The following GOT1 variants were observed in gnomAD, a reference collection of about 807,000 sequenced individuals.
GOT1 encodes glutamic-oxaloacetic transaminase 1.
GOT1 carries 25 observed loss-of-function variants against 48.2 expected under a neutral mutation model. The observed-to-expected ratio is 0.52, with a 90% CI of 0.38 to 0.72. The LOEUF (loss-of-function observed/expected upper bound fraction) is 0.72. GOT1 is among the 30% of genes least tolerant of loss of function. The probability of loss-of-function intolerance (pLI) is 0.00; values close to 1 mark genes in which losing one functional copy is unlikely to be tolerated. For missense variants in GOT1, 380 were observed against 520.1 expected (o/e 0.73, Z 2.62); for synonymous variants, 188 against 193.8 (o/e 0.97, Z 0.25).
intron 1 of GOT1, among the ~76,000 whole-genome samples, chr10:99,423,831 T>C (rs993621746): frequency 6.6e-6 from 1 of 151,720 alleles, no homozygotes; most frequent in Non-Finnish European, 1.5e-5. Flanking sequence ...TTTTTTTAAA[T>C]TTTTCATAGA....
At chr10:99,426,069 C>G (rs1057248366) in intron 1 of GOT1, among the ~76,000 whole-genome samples, 1 of 152,216 alleles carries the variant, frequency 6.6e-6, no homozygotes, top group Middle Eastern at 3.4e-3. Flanking sequence ...ACCATTTGCC[C>G]AGGATCACAG....
chr10:99,400,946 GA>G (rs200341704), intron 8 of GOT1, among the ~76,000 whole-genome samples: 3 of 150,538 alleles, frequency 2.0e-5, no homozygotes, highest in South Asian at 2.1e-4. Context: ...GTCTCAAAAA[GA>G]AAAAAAAAGT....
At chr10:99,407,067 T>G (rs2032769119) in intron 2 of GOT1, among the ~76,000 whole-genome samples, 1 of 152,202 alleles carries the variant, frequency 6.6e-6, no homozygotes, top group African/African-American at 2.4e-5. Flanking sequence ...GTGAAGAACC[T>G]TGCTCAAAGT....
At chr10:99,415,175 C>G (rs1269567127) in intron 2 of GOT1, among the ~76,000 whole-genome samples, 2 of 151,982 alleles carry the variant, frequency 1.3e-5, no homozygotes, top group East Asian at 3.9e-4. Context: ...AAAAGATCAA[C>G]AAAATTGATA....
In GOT1 at chr10:99,397,872, T is replaced by TTAC. The variant is rs2032620561; in HGVS notation, c.1103-189_1103-187dup. ...GCTCACTAGATTCTGGAAAGTACTC[T>TTAC]TACTAGTTCACCTTTGAATCCCCAG... On this transcript the variant is annotated intron_variant, in intron 8 of 8. Coordinates refer to ENST00000370508, the MANE Select transcript of GOT1 (RefSeq NM_002079.3). This position sits in a 1 kb window ranked among gnomAD's most constrained non-coding sequence, Gnocchi z 5.4. Among the ~76,000 whole-genome samples, 2 of 152,206 alleles carry TTAC rather than the reference T, an allele frequency of 1.3e-5. No individual in the cohort carries two copies. The highest frequency in any genetic ancestry group is 4.1e-4 in the South Asian group (2 of 4,826).
intron 5 of GOT1, among the ~76,000 whole-genome samples, 158 bp from the exon 6 acceptor site, chr10:99,404,032 T>C (rs1329251873): frequency 2.0e-5 from 3 of 152,192 alleles, no homozygotes; most frequent in Admixed American, 6.5e-5. Flanking sequence ...TTACATCCAT[T>C]TCTCTCTACA....
intron 2 of GOT1, among the ~76,000 whole-genome samples, chr10:99,418,844 C>A (rs2032932397): frequency 6.6e-6 from 1 of 152,216 alleles, no homozygotes; most frequent in African/African-American, 2.4e-5. Flanking sequence ...TCCTCTACCT[C>A]TGCAGAAACA....
At chr10:99,419,703 T>C (rs960769949) in intron 2 of GOT1, among the ~76,000 whole-genome samples, 8 of 151,762 alleles carry the variant, frequency 5.3e-5, no homozygotes, top group African/African-American at 1.7e-4. Flanking sequence ...TGGCATGGGG[T>C]CCACAGGGCC....
At chr10:99,430,206 G>T in intron 1 of GOT1, 2 of 1,111,210 alleles carry the variant, frequency 1.8e-6, no homozygotes, top group Non-Finnish European at 2.6e-6. Flanking sequence ...CTGAGTTTGT[G>T]TCTTGGCTGC....
intron 8 of GOT1, 29 bp downstream of exon 8, chr10:99,402,551 A>G (rs570354343): frequency 2.5e-6 from 4 of 1,612,972 alleles, no homozygotes; most frequent in South Asian, 1.1e-5. Flanking sequence ...ACATGCACGC[A>G]TGGGCTGGAG....
At chr10:99,428,721 C>G (rs4919310) in intron 1 of GOT1, among the ~76,000 whole-genome samples, 57,949 of 152,124 alleles carry the variant, frequency 0.38, 12,003 homozygotes, top group African/African-American at 0.53. Context: ...GTATACATCC[C>G]GCTGCAAAGA....
chr10:99,412,489 T>A (rs779484557), intron 2 of GOT1, among the ~76,000 whole-genome samples: 6 of 151,588 alleles, frequency 4.0e-5, no homozygotes, highest in Non-Finnish European at 7.4e-5. Context: ...GACAGCAGCC[T>A]GGGAATGGTG....
intron 5 of GOT1, among the ~76,000 whole-genome samples, chr10:99,404,312 G>C (rs1321827920): frequency 6.6e-6 from 1 of 152,126 alleles, no homozygotes; most frequent in Admixed American, 6.5e-5. Flanking sequence ...TCCTCAAAGA[G>C]CTCTCCACAG....
chr10:99,412,986 G>T (rs1206965471), intron 2 of GOT1, among the ~76,000 whole-genome samples: 1 of 152,106 alleles, frequency 6.6e-6, no homozygotes, highest in Admixed American at 6.6e-5. Flanking sequence ...CACAAAGATG[G>T]GGAAAAAACA....
At chr10:99,424,823 G>C (rs900602030) in intron 1 of GOT1, among the ~76,000 whole-genome samples, 1 of 152,088 alleles carries the variant, frequency 6.6e-6, no homozygotes, top group East Asian at 1.9e-4. Context: ...TGTTCCTGAT[G>C]CCTCTCCTAA....
intron 1 of GOT1, among the ~76,000 whole-genome samples, chr10:99,425,547 T>C (rs79530369): frequency 1.9e-3 from 292 of 152,294 alleles, no homozygotes; most frequent in African/African-American, 6.7e-3. Context: ...TAATGAGGCC[T>C]TGAATTCACA....
chr10:99,401,676 A>G (rs2032680981), intron 8 of GOT1, among the ~76,000 whole-genome samples: 1 of 151,600 alleles, frequency 6.6e-6, no homozygotes, highest in African/African-American at 2.4e-5. Context: ...CAAAAAAAAA[A>G]AGAAGAAATG....
chr10:99,406,586 T>C (rs553910840), intron 3 of GOT1, 140 bp downstream of exon 3: 4 of 747,574 alleles, frequency 5.4e-6, no homozygotes, highest in African/African-American at 1.8e-5. Context: ...TCTCATGCAC[T>C]GCCATAACCC....
At chr10:99,414,404 T>A (rs192320416) in intron 2 of GOT1, among the ~76,000 whole-genome samples, 1 of 152,134 alleles carries the variant, frequency 6.6e-6, no homozygotes, top group East Asian at 1.9e-4. Flanking sequence ...CCTAAATATA[T>A]ATGCACCCAA....
Sources: gnomAD v4.1 joint callset for allele counts (sites outside exome capture counted in the v4.1 genomes callset) on GRCh38, gnomAD v4.1.1 for gene constraint, Gnocchi (gnomAD v3.1) non-coding constraint, MANE v1.5 for transcripts, NCBI Gene and HGNC (gene_info 2026-07-23, HGNC 2026-07-21) for gene names.